Variants in SLX9 observed in about 807,000 individuals in gnomAD.
SLX9 encodes SLX9 ribosome biogenesis factor.
Under a neutral mutation model 20.8 loss-of-function variants are expected in SLX9, and 19 were observed. That is an observed-to-expected ratio of 0.91 (90% CI 0.64 to 1.34). The LOEUF (loss-of-function observed/expected upper bound fraction) is 1.34. Ranked by LOEUF, SLX9 falls within the 40% of genes most tolerant of loss-of-function variation. The pLI, the probability that SLX9 is intolerant of heterozygous loss-of-function variation, is 0.00. For synonymous variants in SLX9, 113 were observed against 137.1 expected (o/e 0.82, Z 1.23); for missense variants, 299 against 322.2 (o/e 0.93, Z 0.55).
At chr21:44,974,228 T>C (rs1308320157) in intron 5 of SLX9, among the ~76,000 whole-genome samples, 1 of 144,774 alleles carries the variant, frequency 6.9e-6, no homozygotes, top group East Asian at 2.2e-4. Flanking sequence ...CTCAGGTGTT[T>C]ATCAGTGGGA....
At position 44,951,493 on chromosome 21, in the gene SLX9, G is replaced by A. The variant is rs143218979; in HGVS notation, c.283+7656G>A. 6.6e-5 allele frequency among the ~76,000 whole-genome samples: 10 copies of A among 152,264 alleles called. No homozygotes were observed. The East Asian group carries it at 1.5e-3, about 23-fold the overall frequency. On this transcript the variant is annotated intron_variant, in intron 2 of 5. Coordinates refer to ENST00000291634, the MANE Select transcript of SLX9 (RefSeq NM_058190.4). ...GCGAACGGCCGCGTCTTTGCCCACCGTGCCTCACTCACTGTCATGCCTGTG... is the reference window on the plus strand; with the variant it reads ...GCGAACGGCCGCGTCTTTGCCCACCATGCCTCACTCACTGTCATGCCTGTG...
At chr21:44,966,409 G>C (rs1387554098) in intron 3 of SLX9, among the ~76,000 whole-genome samples, 1 of 152,242 alleles carries the variant, frequency 6.6e-6, no homozygotes, top group African/African-American at 2.4e-5. Context: ...GGAGCCACGT[G>C]CAGTGAGCAG....
intron 2 of SLX9, among the ~76,000 whole-genome samples, chr21:44,947,826 C>A (rs796487767): frequency 1.1e-4 from 16 of 152,326 alleles, no homozygotes; most frequent in African/African-American, 3.6e-4. Flanking sequence ...CTCTCTAAGA[C>A]CCCCTGCACC....
At chr21:44,948,334 G>A (rs1171660913) in intron 2 of SLX9, among the ~76,000 whole-genome samples, 1 of 114,422 alleles carries the variant, frequency 8.7e-6, no homozygotes, top group Non-Finnish European at 1.7e-5. Flanking sequence ...AGCATCGGGC[G>A]TCCGGGGAGC....
chr21:44,972,457 G>T (rs908295002), intron 4 of SLX9, among the ~76,000 whole-genome samples: 2 of 152,176 alleles, frequency 1.3e-5, no homozygotes, highest in Non-Finnish European at 2.9e-5. Flanking sequence ...GGCCCAGCTT[G>T]GTGGTTTGGA....
chr21:44,955,769 G>A (rs1008708696), intron 2 of SLX9, among the ~76,000 whole-genome samples: 2 of 152,242 alleles, frequency 1.3e-5, no homozygotes, highest in African/African-American at 4.8e-5. Flanking sequence ...GGCTGCTGAA[G>A]TTTTGTTGTC....
At chr21:44,969,505 T>G (rs750616363) in intron 4 of SLX9, among the ~76,000 whole-genome samples, 27 of 152,190 alleles carry the variant, frequency 1.8e-4, no homozygotes, top group Non-Finnish European at 2.9e-4. Context: ...GAGAGCCTCC[T>G]GTCGCTGGGA....
At chr21:44,947,701 T>A (rs1019506283) in intron 2 of SLX9, among the ~76,000 whole-genome samples, 1 of 152,150 alleles carries the variant, frequency 6.6e-6, no homozygotes, top group Non-Finnish European at 1.5e-5. Context: ...GGAGCCTGCC[T>A]TACCCTTACG....
In SLX9 at chr21:44,961,291, G is replaced by A. The variant is rs558927891; in HGVS notation, c.352+1123G>A. 9.2e-5 allele frequency among the ~76,000 whole-genome samples: 14 copies of A among 152,034 alleles called. No individual in the cohort carries two copies. In the South Asian group the frequency reaches 2.3e-3, roughly 25 times the overall value. ...AATTTTGGCCACTCATAAAATGATC[G>A]AATTTGTCTGAGGATGGTGTCTCAT... On this transcript the variant is annotated intron_variant, in intron 3 of 5. Transcript: ENST00000291634.
upstream of SLX9, chr21:44,939,994 C>T (rs1187053358): frequency 8.4e-5 from 114 of 1,356,918 alleles, no homozygotes; most frequent in Non-Finnish European, 9.6e-5. Context: ...TTCCGCCGGG[C>T]GGCGAGAACG....
At chr21:44,966,167 A>G (rs1263534699) in intron 3 of SLX9, among the ~76,000 whole-genome samples, 1 of 151,630 alleles carries the variant, frequency 6.6e-6, no homozygotes, top group Non-Finnish European at 1.5e-5. Flanking sequence ...GGCCCTTCAC[A>G]CCTTGTTCTG....
chr21:44,976,574 G>T, intron 5 of SLX9, 106 bp from the exon 6 acceptor site: 1 of 1,479,334 alleles, frequency 6.8e-7, no homozygotes, highest in Non-Finnish European at 9.0e-7. Flanking sequence ...TCCCGTGGTG[G>T]CCCCAGGCCT....
At position 44,960,161 on chromosome 21, in the gene SLX9, G is replaced by A; in HGVS notation, c.345G>A (p.Trp115Ter). 1 of 1,614,246 alleles carries A rather than the reference G, an allele frequency of 6.2e-7. No homozygotes were observed. Among genetic ancestry groups the A allele is most frequent in the South Asian group, 1.1e-5 (1 of 91,086 alleles). Reference sequence around the variant, plus strand: ...AAATGAAGCTGAGGCGTGAGCAATGGTTGCAGAGTAAGTCCATGCCTGCGT... The same window carrying A: ...AAATGAAGCTGAGGCGTGAGCAATGATTGCAGAGTAAGTCCATGCCTGCGT... ...KEKMKLRREQ[W>*]LQKIEAIKLA... The change falls in exon 3 of 6, where the codon TGG becomes TGA. Residue 115 changes from tryptophan to a stop codon, truncating the protein, a stop_gained. Transcript: ENST00000291634. LOFTEE classifies it high-confidence loss of function.
Position 44,940,110 on chromosome 21 carries a change from C to G in SLX9, c.53C>G (p.Pro18Arg). The G allele has an allele frequency of 7.1e-7, 1 of 1,405,456 alleles. No individual in the cohort carries two copies. The allele number at this position is 1,405,456 out of a possible 1,614,324, so 87.1% of individuals were successfully genotyped here. Residue 18 changes from proline (P) to arginine (R), a missense_variant, in exon 1 of 6, where the codon CCG (proline) becomes CGG (arginine). By Grantham distance (103) the Pro-to-Arg change is moderately radical (BLOSUM62 -2). Transcript: ENST00000291634. ...CGAGTGCACCAGGCTGCCGTGAGGCCGAAAGGGGAGGCCGCCCCCGGCCCC... is the reference window on the plus strand; with the variant it reads ...CGAGTGCACCAGGCTGCCGTGAGGCGGAAAGGGGAGGCCGCCCCCGGCCCC... ...RARVHQAAVRPKGEAAPGPAP... is the reference protein window; with the variant it reads ...RARVHQAAVRRKGEAAPGPAP...
Position 44,943,696 on chromosome 21 carries a change from A to G in SLX9, c.142A>G (p.Ile48Val). 1.9e-6 allele frequency: 3 copies of G among 1,614,108 alleles called. No individual in the cohort carries two copies. The highest frequency in any genetic ancestry group is 1.7e-5 in the Admixed American group (1 of 60,022). ...ASAAGKDWAF[I>V]NTNIFARTKI... ...TTGGGGACATTAGGACTGGGCGTTC[A>G]TCAACACCAACATCTTTGCCAGGAC... Residue 48 changes from isoleucine (I) to valine (V), a missense_variant, in exon 2 of 6, where the codon ATC becomes GTC. Ile to Val is a conservative substitution (Grantham distance 29). Transcript: ENST00000291634.
intron 2 of SLX9, among the ~76,000 whole-genome samples, chr21:44,956,410 C>T (rs990320678): frequency 1.3e-5 from 2 of 152,116 alleles, no homozygotes; most frequent in African/African-American, 2.4e-5. Context: ...TTTCCCCAAA[C>T]GGCCTGTCCC....
At chr21:44,966,304 C>T (rs377144801) in intron 3 of SLX9, among the ~76,000 whole-genome samples, 6 of 152,068 alleles carry the variant, frequency 3.9e-5, no homozygotes, top group South Asian at 2.1e-4. Context: ...CTGCCATGCC[C>T]GGGCCTGTGT....
intron 1 of SLX9, among the ~76,000 whole-genome samples, chr21:44,940,394 T>TCG (rs1444953902): frequency 6.6e-6 from 1 of 152,198 alleles, no homozygotes. Context: ...GCACACGGAC[T>TCG]CGCGCCGCTC....
chr21:44,968,833 A>G (rs1426719935), intron 4 of SLX9, among the ~76,000 whole-genome samples: 5 of 148,270 alleles, frequency 3.4e-5, no homozygotes, highest in Non-Finnish European at 7.4e-5. Flanking sequence ...GGCTCACTGC[A>G]AGCTCCGCCT....
Sources: allele counts gnomAD v4.1 joint callset (sites outside exome capture counted in the v4.1 genomes callset), GRCh38; gene constraint gnomAD v4.1.1; transcripts MANE v1.5; gene names NCBI Gene and HGNC (gene_info 2026-07-23, HGNC 2026-07-21).